Variants in NOL4L observed in about 807,000 individuals in gnomAD.
NOL4L encodes the protein nucleolar protein 4-like.
A neutral mutation model predicts 64.5 loss-of-function variants in NOL4L; 7 were observed. The observed-to-expected ratio is 0.11, with a 90% CI of 0.06 to 0.20. The LOEUF is 0.20. Ranked by LOEUF, NOL4L falls within the 10% of genes least tolerant of loss-of-function variation. The pLI, the probability that NOL4L is intolerant of heterozygous loss-of-function variation, is 1.00. For missense variants in NOL4L, 680 were observed against 967.1 expected, an observed-to-expected ratio of 0.70 and a Z score of 3.94; for synonymous variants, 413 against 401.0, an observed-to-expected ratio of 1.03 and a Z score of -0.36.
chr20:32,518,714 G>A (rs2017787091), intron 3 of NOL4L, among the ~76,000 whole-genome samples: 1 of 152,240 alleles, frequency 6.6e-6, no homozygotes, highest in South Asian at 2.1e-4. Flanking sequence ...AGGCGGATGG[G>A]TGGGCAGGAA....
At chr20:32,526,010 G>C (rs1262904480) in intron 2 of NOL4L, among the ~76,000 whole-genome samples, 1 of 152,024 alleles carries the variant, frequency 6.6e-6, no homozygotes, top group African/African-American at 2.4e-5. Flanking sequence ...TGCCTGTCTC[G>C]GCCTCCCAAA....
chr20:32,525,382 A>G (rs1340872810), intron 2 of NOL4L, among the ~76,000 whole-genome samples: 2 of 152,174 alleles, frequency 1.3e-5, no homozygotes, highest in Non-Finnish European at 2.9e-5. Flanking sequence ...GAGAGGCAGG[A>G]TGTGTGGTGG....
chr20:32,483,105 G>T (rs1412650378), intron 4 of NOL4L, among the ~76,000 whole-genome samples: 1 of 123,526 alleles, frequency 8.1e-6, no homozygotes, highest in African/African-American at 3.2e-5. Flanking sequence ...AGCCTTCATC[G>T]CCCCCCCTCC....
At chr20:32,522,480 C>G (rs1260637462) in intron 2 of NOL4L, among the ~76,000 whole-genome samples, 2 of 152,220 alleles carry the variant, frequency 1.3e-5, no homozygotes, top group Non-Finnish European at 2.9e-5. Flanking sequence ...GCCATGCACA[C>G]AGAGAGCTTC....
In NOL4L at chr20:32,464,007, G is replaced by A. The variant is rs1163842505; in HGVS notation, c.842-7612C>T. Among the ~76,000 whole-genome samples the A allele has an allele frequency of 6.6e-6, 1 of 152,146 alleles. No individual in the cohort carries two copies. The highest frequency in any genetic ancestry group is 1.5e-5 in the Non-Finnish European group (1 of 68,014). On this transcript the variant is annotated intron_variant, in intron 5 of 10. Transcript: ENST00000621426. This position sits in a 1 kb window ranked among gnomAD's most constrained non-coding sequence, Gnocchi z 5.6. ...GCCGCCTCCATGAGACTCTGTCACA[G>A]CAGCAGCCAGGCGGGGGATGGGAGG...
chr20:32,560,043 C>T (rs1978909990), intron 1 of NOL4L, among the ~76,000 whole-genome samples: 1 of 152,258 alleles, frequency 6.6e-6, no homozygotes, highest in Admixed American at 6.5e-5. Flanking sequence ...CCTCTTGCTC[C>T]AGGGCACTCG....
chr20:32,544,209 T>G (rs1221819198), intron 1 of NOL4L, among the ~76,000 whole-genome samples: 1 of 145,292 alleles, frequency 6.9e-6, no homozygotes, highest in African/African-American at 2.6e-5. Flanking sequence ...AGGGAAGCCA[T>G]GGGGAGGCAG....
At position 32,578,582 on chromosome 20, in the gene NOL4L, A is replaced by G. The variant is rs183319706; in HGVS notation, c.321+5988T>C. 8.1e-4 allele frequency among the ~76,000 whole-genome samples: 124 copies of G among 152,280 alleles called. No homozygotes were observed. In the Middle Eastern group the frequency reaches 0.02, roughly 25 times the overall value. Reference sequence around the variant, plus strand: ...AAATTTTGCATACAGACGGGGTCTCACCATGTCCCCAGGCTGGTAGGCCTG... The same window carrying G: ...AAATTTTGCATACAGACGGGGTCTCGCCATGTCCCCAGGCTGGTAGGCCTG... On this transcript the variant is annotated intron_variant, in intron 1 of 10. Transcript: ENST00000621426.
At chr20:32,555,960 C>T (rs1978620385) in intron 1 of NOL4L, among the ~76,000 whole-genome samples, 1 of 152,132 alleles carries the variant, frequency 6.6e-6, no homozygotes, top group Non-Finnish European at 1.5e-5. Flanking sequence ...CTCTTTCCTT[C>T]ACGGCGCCTC....
intron 4 of NOL4L, among the ~76,000 whole-genome samples, chr20:32,476,410 C>T (rs769139199): frequency 6.6e-6 from 1 of 152,140 alleles, no homozygotes; most frequent in Non-Finnish European, 1.5e-5. Flanking sequence ...CCCAGCTGGT[C>T]GTGCCATGCG....
At chr20:32,568,005 T>A (rs1374391004) in intron 1 of NOL4L, among the ~76,000 whole-genome samples, 1 of 151,344 alleles carries the variant, frequency 6.6e-6, no homozygotes, top group African/African-American at 2.4e-5. Context: ...ACCATATTCA[T>A]CACCATCATC....
chr20:32,453,991 G>C lies in NOL4L; in HGVS notation c.1120-230C>G, dbSNP rs546976576. The C allele has an allele frequency of 1.8e-6, 1 of 566,780 alleles. No individual in the cohort carries two copies. 35.1% of individuals were successfully genotyped at this position (566,780 alleles called of 1,614,324 possible). A position where few individuals can be genotyped will look rare whatever the true frequency, so the allele number is the denominator to read the frequency against. On this transcript the variant is annotated intron_variant, in intron 6 of 10. Transcript: ENST00000621426. This position sits in a 1 kb window ranked among gnomAD's most constrained non-coding sequence, Gnocchi z 5.6. ...TCCCTGGGCTGCCGCAGGGAGGACC[G>C]ACTGCAATAGTGTATGCAGAGACCT...
intron 3 of NOL4L, among the ~76,000 whole-genome samples, chr20:32,514,465 C>G (rs2017557394): frequency 6.6e-6 from 1 of 151,778 alleles, no homozygotes; most frequent in Non-Finnish European, 1.5e-5. Flanking sequence ...GCACTCCAGC[C>G]TGGTGACAGA....
intron 5 of NOL4L, among the ~76,000 whole-genome samples, chr20:32,467,703 C>T (rs1225641835): frequency 1.4e-4 from 21 of 152,180 alleles, no homozygotes; most frequent in Admixed American, 1.4e-3. Context: ...GGTCCTCAAC[C>T]GCCTGGCAAG....
intron 1 of NOL4L, among the ~76,000 whole-genome samples, chr20:32,545,143 C>A (rs902446948): frequency 6.6e-6 from 1 of 152,100 alleles, no homozygotes; most frequent in African/African-American, 2.4e-5. Flanking sequence ...CATGGTGGTG[C>A]CTGCCTGTAG....
At chr20:32,518,847 G>C (rs1319247182) in intron 3 of NOL4L, among the ~76,000 whole-genome samples, 1 of 152,216 alleles carries the variant, frequency 6.6e-6, no homozygotes, top group Non-Finnish European at 1.5e-5. Flanking sequence ...TCTTGGCCCA[G>C]GGGTTGCAGC....
rs182073814 is a variant in NOL4L, at chr20:32,462,581, T to C, written c.842-6186A>G. ...TGGGGGCAGTTGGGTTTTGATCCGATTGGAATTCTTCCTCCCACAACCCTT... is the reference window on the plus strand; with the variant it reads ...TGGGGGCAGTTGGGTTTTGATCCGACTGGAATTCTTCCTCCCACAACCCTT... On this transcript the variant is annotated intron_variant, in intron 5 of 10. Coordinates refer to ENST00000621426, the MANE Select transcript of NOL4L (RefSeq NM_001256798.2). 1.4e-4 allele frequency among the ~76,000 whole-genome samples: 20 copies of C among 143,556 alleles called. No individual in the cohort carries two copies. The East Asian group carries it at 4.0e-3, about 29-fold the overall frequency. The allele number at this position is 143,556 out of a possible 152,430, so 94.2% of individuals were successfully genotyped here.
At chr20:32,462,772 G>A (rs1000821496) in intron 5 of NOL4L, among the ~76,000 whole-genome samples, 5 of 151,888 alleles carry the variant, frequency 3.3e-5, no homozygotes, top group African/African-American at 1.2e-4. Flanking sequence ...GGGCGTGGTG[G>A]TGCACGCCTG....
intron 1 of NOL4L, among the ~76,000 whole-genome samples, chr20:32,559,897 T>C (rs1978897416): frequency 6.6e-6 from 1 of 152,182 alleles, no homozygotes; most frequent in South Asian, 2.1e-4. Context: ...CCACGCGGCC[T>C]CCCTGAGCCG....
Sources: gnomAD v4.1 joint callset for allele counts (sites outside exome capture counted in the v4.1 genomes callset) on GRCh38, gnomAD v4.1.1 for gene constraint, Gnocchi (gnomAD v3.1) non-coding constraint, MANE v1.5 for transcripts, NCBI Gene and HGNC (gene_info 2026-07-23, HGNC 2026-07-21) for gene names.